The following PJA2 variants were observed in gnomAD, a reference collection of about 807,000 sequenced individuals.
PJA2 encodes praja ring finger ubiquitin ligase 2, also known as E3 ubiquitin-protein ligase Praja-2.
In PJA2, 25 loss-of-function variants were observed where a neutral mutation model predicts 69.3. The ratio of observed to expected loss-of-function variants is 0.36; its 90% confidence interval spans 0.26 to 0.50. The LOEUF (loss-of-function observed/expected upper bound fraction) is 0.50. Ranked by LOEUF, PJA2 falls within the 20% of genes least tolerant of loss-of-function variation. PJA2 has a pLI of 0.96. For synonymous variants in PJA2, 308 were observed against 277.8 expected (o/e 1.11, Z -1.08); for missense variants, 809 against 830.2 (o/e 0.97, Z 0.31).
chr5:109,353,094 ATATAT>A (rs1328107815), intron 7 of PJA2, among the ~76,000 whole-genome samples: 1 of 145,984 alleles, frequency 6.9e-6, no homozygotes, highest in Non-Finnish European at 1.5e-5. Context: ...ATAGACATCT[ATATAT>A]TAGATACCTA....
chr5:109,401,244 A>C (rs1747539166), intron 1 of PJA2, among the ~76,000 whole-genome samples: 1 of 152,142 alleles, frequency 6.6e-6, no homozygotes, highest in South Asian at 2.1e-4. Context: ...AGATGGCGCC[A>C]TTGCACTCCA....
chr5:109,363,537 T>C (rs1228071278), intron 5 of PJA2, among the ~76,000 whole-genome samples: 1 of 152,192 alleles, frequency 6.6e-6, no homozygotes, highest in Non-Finnish European at 1.5e-5. Context: ...TTGGGGCCAC[T>C]TCCTCTACCT....
chr5:109,353,260 AT>A (rs1409507418), intron 7 of PJA2, among the ~76,000 whole-genome samples: 1 of 141,884 alleles, frequency 7.0e-6, no homozygotes, highest in Admixed American at 7.3e-5. Flanking sequence ...ATATCTATAT[AT>A]TAGATACCTA....
Position 109,367,143 on chromosome 5 carries a change from AATATAT to A in PJA2, c.1469+1412_1469+1417del, listed in dbSNP as rs1554054261. ...AGCAAGACTCCGTCTCAAAAAAAAAAATATATATATATATATATATATCTATGATGT... is the reference window on the plus strand; with the variant it reads ...AGCAAGACTCCGTCTCAAAAAAAAAAATATATATATATATATCTATGATGT... On this transcript the variant is annotated intron_variant, in intron 5 of 9. Transcript: ENST00000361189. Among the ~76,000 whole-genome samples the A allele has an allele frequency of 4.2e-5, 6 of 143,198 alleles. No homozygotes were observed. The East Asian group carries it at 1.2e-3, about 29-fold the overall frequency. The allele number at this position is 143,198 out of a possible 152,430, so 93.9% of individuals were successfully genotyped here.
intron 1 of PJA2, among the ~76,000 whole-genome samples, chr5:109,404,393 C>A (rs150735553): frequency 2.6e-5 from 4 of 151,550 alleles, no homozygotes; most frequent in African/African-American, 7.3e-5. Flanking sequence ...TGGTGACATA[C>A]GCCTGTAATC....
chr5:109,409,666 A>C (rs2127022955), intron 1 of PJA2, among the ~76,000 whole-genome samples, 176 bp downstream of exon 1: 1 of 152,050 alleles, frequency 6.6e-6, no homozygotes, highest in South Asian at 2.1e-4. Context: ...AAGGCCTCCC[A>C]CAGCCATCAA....
chr5:109,354,293 GATA>G (rs1194498730), intron 7 of PJA2, among the ~76,000 whole-genome samples: 3 of 142,868 alleles, frequency 2.1e-5, no homozygotes, highest in Admixed American at 1.4e-4. Context: ...AGATATCTAT[GATA>G]TCTAGAGATA....
intron 4 of PJA2, among the ~76,000 whole-genome samples, chr5:109,375,001 C>A (rs777696466): frequency 6.6e-6 from 1 of 152,048 alleles, no homozygotes; most frequent in Non-Finnish European, 1.5e-5. Flanking sequence ...CCTTGGAATC[C>A]TAATTTAATA....
In PJA2 at chr5:109,335,086, TTAAC is replaced by T. The variant is rs1761915654; in HGVS notation, c.*2141_*2144del. The stretch of plus-strand genomic sequence containing the variant: ...ATTTCTAATTTACCTTCATATAGTC[TTAAC>T]TTTTTCAAAAGGATCCAAGATATGA... On this transcript the variant is annotated 3_prime_UTR_variant, in exon 10 of 10. Transcript: ENST00000361189. 1 of 152,658 alleles carries T rather than the reference TTAAC, an allele frequency of 6.6e-6. No homozygotes were observed. The highest frequency in any genetic ancestry group is 1.9e-4 in the East Asian group (1 of 5,196). 9.5% of individuals were successfully genotyped at this position (152,658 alleles called of 1,614,324 possible). A position where few individuals can be genotyped will look rare whatever the true frequency, so the allele number is the denominator to read the frequency against.
chr5:109,393,997 A>C (rs554098852), intron 1 of PJA2, among the ~76,000 whole-genome samples: 49 of 151,370 alleles, frequency 3.2e-4, no homozygotes, highest in Non-Finnish European at 4.9e-4. Context: ...AAAAAGAATA[A>C]GGTATTATAG....
At chr5:109,370,658 A>G (rs771020930) in intron 4 of PJA2, among the ~76,000 whole-genome samples, 4 of 152,212 alleles carry the variant, frequency 2.6e-5, no homozygotes, top group Non-Finnish European at 5.9e-5. Context: ...CTAGACTTAT[A>G]TAAGTATTAA....
At chr5:109,361,297 A>C (rs1483838006) in intron 6 of PJA2, among the ~76,000 whole-genome samples, 1 of 152,220 alleles carries the variant, frequency 6.6e-6, no homozygotes, top group Non-Finnish European at 1.5e-5. Context: ...AACCAGAAGT[A>C]TAGAACAAGT....
At chr5:109,338,368 G>A (rs915132154) in intron 9 of PJA2, among the ~76,000 whole-genome samples, 7 of 152,026 alleles carry the variant, frequency 4.6e-5, no homozygotes, top group African/African-American at 9.7e-5. Context: ...GGCCAGGCAC[G>A]GTGGCTCATG....
intron 7 of PJA2, among the ~76,000 whole-genome samples, chr5:109,345,305 G>A (rs1296229930): frequency 6.7e-6 from 1 of 150,292 alleles, no homozygotes; most frequent in Non-Finnish European, 1.5e-5. Flanking sequence ...GTAATGAGCC[G>A]AGATCAAGCC....
At chr5:109,398,529 G>C (rs1187671020) in intron 1 of PJA2, among the ~76,000 whole-genome samples, 3 of 150,520 alleles carry the variant, frequency 2.0e-5, no homozygotes, top group Non-Finnish European at 4.4e-5. Context: ...ACTATTGCAA[G>C]GACAAAAAAA....
chr5:109,352,449 GATCCTTAA>G (rs1300293530), intron 7 of PJA2, among the ~76,000 whole-genome samples: 3 of 152,088 alleles, frequency 2.0e-5, no homozygotes, highest in Admixed American at 6.6e-5. Context: ...CGAAATGAGT[GATCCTTAA>G]TCTTTATGTA....
At chr5:109,359,707 T>TTAACTAAA (rs1278154182) in intron 6 of PJA2, among the ~76,000 whole-genome samples, 5 of 152,288 alleles carry the variant, frequency 3.3e-5, no homozygotes, top group East Asian at 1.9e-4. Flanking sequence ...AAGAAACTTG[T>TTAACTAAA]TAACTAAATA....
chr5:109,363,249 T>C (rs2126998886), intron 5 of PJA2, among the ~76,000 whole-genome samples: 1 of 152,346 alleles, frequency 6.6e-6, no homozygotes, highest in East Asian at 1.9e-4. Context: ...CATAGGAACA[T>C]ATTTATTTGA....
chr5:109,361,627 G>A (rs1026780362), intron 6 of PJA2, among the ~76,000 whole-genome samples: 1 of 152,150 alleles, frequency 6.6e-6, no homozygotes, highest in Admixed American at 6.5e-5. Flanking sequence ...CAGAAACGGA[G>A]GAAAAGAGAG....
Sources: gnomAD v4.1 joint callset for allele counts (sites outside exome capture counted in the v4.1 genomes callset) on GRCh38, gnomAD v4.1.1 for gene constraint, MANE v1.5 for transcripts, NCBI Gene and HGNC (gene_info 2026-07-23, HGNC 2026-07-21) for gene names.